Variants in MTRR observed in about 807,000 individuals in gnomAD.
MTRR encodes the protein methionine synthase reductase.
Under a neutral mutation model 79.2 loss-of-function variants are expected in MTRR, and 63 were observed. That is an observed-to-expected ratio of 0.80 (90% confidence interval 0.65 to 0.98). The LOEUF (loss-of-function observed/expected upper bound fraction) is 0.98, where lower values mean the gene tolerates loss of function less well. Among genes scored for constraint, MTRR ranks in the 50% least tolerant of loss-of-function variants. The probability of loss-of-function intolerance (pLI) is 0.00; values close to 1 mark genes in which losing one functional copy is unlikely to be tolerated. For missense variants in MTRR, 895 were observed against 839.6 expected (o/e 1.07, Z -0.82); for synonymous variants, 355 against 313.3 (o/e 1.13, Z -1.41).
chr5:7,879,518 T>C (rs528178130), intron 5 of MTRR, among the ~76,000 whole-genome samples: 11 of 149,410 alleles, frequency 7.4e-5, no homozygotes, highest in African/African-American at 2.2e-4. Context: ...GAAAGTGTCA[T>C]TAAATAGGCT....
At chr5:7,878,360 A>G in intron 5 of MTRR, 38 bp downstream of exon 5, 1 of 1,609,352 alleles carries the variant, frequency 6.2e-7, no homozygotes, top group Non-Finnish European at 8.5e-7. Flanking sequence ...ATGCTATTTA[A>G]TCATGGATGT....
chr5:7,869,003 GGGT>G, upstream of MTRR: 6 of 1,044,052 alleles, frequency 5.7e-6, no homozygotes, highest in Non-Finnish European at 8.9e-6. Flanking sequence ...CAATCACTCC[GGGT>G]GGTCGCGGAA....
At chr5:7,882,511 T>C (rs1735747797) in intron 5 of MTRR, among the ~76,000 whole-genome samples, 1 of 152,204 alleles carries the variant, frequency 6.6e-6, no homozygotes, top group African/African-American at 2.4e-5. Context: ...AATTGACTAG[T>C]ACTGTTAAAA....
upstream of MTRR, chr5:7,868,132 A>G: frequency 1.0e-5 from 13 of 1,259,868 alleles, no homozygotes; most frequent in Non-Finnish European, 1.4e-5. Context: ...TTAAAAACAC[A>G]TGGTTAAATA....
chr5:7,891,498 T>C, intron 10 of MTRR, 84 bp downstream of exon 10: 1 of 1,187,660 alleles, frequency 8.4e-7, no homozygotes, highest in Non-Finnish European at 1.3e-6. Context: ...AGTTTACTAA[T>C]TTATTCAGTG....
chr5:7,873,125 G>A (rs570724089), intron 2 of MTRR, among the ~76,000 whole-genome samples: 3 of 152,284 alleles, frequency 2.0e-5, no homozygotes, highest in East Asian at 3.9e-4. Context: ...AGAGAAAGAC[G>A]TGTTAATCCC....
At chr5:7,875,873 G>A (rs145714618) in intron 4 of MTRR, among the ~76,000 whole-genome samples, 1,854 of 152,334 alleles carry the variant, frequency 0.012, 17 homozygotes, top group African/African-American at 0.023. Flanking sequence ...CCAATCAGAC[G>A]TTTACAGACG....
intron 5 of MTRR, among the ~76,000 whole-genome samples, chr5:7,882,320 T>C (rs1202215390): frequency 6.6e-6 from 1 of 152,164 alleles, no homozygotes; most frequent in East Asian, 1.9e-4. Context: ...GGGTAAGGTG[T>C]GACCTAAGAA....
chr5:7,892,598 CTG>C (rs1737788771), intron 10 of MTRR, 127 bp from the exon 11 acceptor site: 1 of 1,007,442 alleles, frequency 9.9e-7, no homozygotes, highest in Admixed American at 1.8e-5. Flanking sequence ...TGGCTTTCCT[CTG>C]TGAGGATTTG....
In MTRR at chr5:7,873,526, G is replaced by A; in HGVS notation, c.283G>A (p.Gly95Ser). The A allele has an allele frequency of 6.2e-7, 1 of 1,614,004 alleles. No homozygotes were observed. The highest frequency in any genetic ancestry group is 8.5e-7 in the Non-Finnish European group (1 of 1,179,982). Residue 95 changes from glycine to serine, a missense_variant and splice_region_variant, in exon 3 of 15, where the codon GGT becomes AGT. Gly to Ser is a moderately conservative substitution (Grantham distance 56, BLOSUM62 0). Transcript: ENST00000440940. Reference protein sequence around the residue: ...FFAHLRYGLLGLGDSEYTYFC... With the variant: ...FFAHLRYGLLSLGDSEYTYFC... ...TGCTCACCTGCGGTATGGGTTACTG[G>A]GTAATGGACTCTCTCTTCTGATCTT...
rs1037784687 is a variant in MTRR at position 7,861,070 on chromosome 5, C to G, written n.392-881C>G. The stretch of plus-strand genomic sequence containing the variant: ...TAAAATTTTACTGTGCCTCAGATTA[C>G]TTTTTAAAAGTAACCTGGAAAAATA... On this transcript the variant is annotated intron_variant and non_coding_transcript_variant, in intron 1 of 3. Transcript: ENST00000502509. 3.4e-6 allele frequency: 3 copies of G among 885,268 alleles called. No homozygotes were observed. The African/African-American group carries it at 5.0e-5, about 15-fold the overall frequency. The allele number at this position is 885,268 out of a possible 1,614,324, so 54.8% of individuals were successfully genotyped here.
Position 7,882,464 on chromosome 5 carries a change from C to T in MTRR, c.781-691C>T, listed in dbSNP as rs567432187. Among the ~76,000 whole-genome samples, 380 of 152,300 alleles carry T rather than the reference C, an allele frequency of 2.5e-3. 3 individuals are homozygous for T. Among genetic ancestry groups the T allele is most frequent in the African/African-American group, 8.7e-3 (362 of 41,552 alleles). On this transcript the variant is annotated intron_variant, in intron 5 of 14. Transcript: ENST00000440940. ...CTCCCAGACACCCAGAACTGACCTT[C>T]ATCCCAGCTTTCCCATATAGCCACT...
chr5:7,878,395 T>A, intron 5 of MTRR, 73 bp downstream of exon 5: 2 of 1,575,560 alleles, frequency 1.3e-6, no homozygotes. Context: ...TAAATTATTA[T>A]TACATTAGAA....
At chr5:7,868,468 G>A (rs1747230508), upstream of MTRR, among the ~76,000 whole-genome samples, 1 of 152,202 alleles carries the variant, frequency 6.6e-6, no homozygotes, top group South Asian at 2.1e-4. Context: ...CTCAGGCAAT[G>A]TAGCTCTTAA....
At chr5:7,886,341 G>A (rs1736433948) in intron 7 of MTRR, among the ~76,000 whole-genome samples, 1 of 152,002 alleles carries the variant, frequency 6.6e-6, no homozygotes, top group Admixed American at 6.5e-5. Context: ...GAGTACTGCT[G>A]TCTTTTTAGC....
At chr5:7,859,398 GCAAGTTCT>G in intron 1 of MTRR, 2 of 1,332,872 alleles carry the variant, frequency 1.5e-6, no homozygotes, top group Non-Finnish European at 1.1e-6. Context: ...CCATAAAAAT[GCAAGTTCT>G]TCCATTGTTT....
At chr5:7,898,846 G>A (rs904895708) in intron 14 of MTRR, among the ~76,000 whole-genome samples, 5 of 152,094 alleles carry the variant, frequency 3.3e-5, no homozygotes, top group African/African-American at 1.2e-4. Context: ...AGTGCTTGGG[G>A]CATATTCAGA....
chr5:7,860,062 GCCTGCAGCCTGGCTGCAGGCCAA>G (rs1380266926), intron 1 of MTRR, among the ~76,000 whole-genome samples: 6 of 152,190 alleles, frequency 3.9e-5, no homozygotes, highest in Non-Finnish European at 7.3e-5. Context: ...GTAATCATGT[GCCTGCAGCCTGGCTGCAGGCCAA>G]CCATTGGAGG....
chr5:7,866,507 T>C, upstream of MTRR: 1 of 669,216 alleles, frequency 1.5e-6, no homozygotes, highest in Non-Finnish European at 2.6e-6. Context: ...TATGCCAGCA[T>C]CTGTTAACTT....
Sources: gnomAD v4.1 joint callset for allele counts (sites outside exome capture counted in the v4.1 genomes callset) on GRCh38, gnomAD v4.1.1 for gene constraint, MANE v1.5 for transcripts, NCBI Gene and HGNC (gene_info 2026-07-23, HGNC 2026-07-21) for gene names.